Variants in PAK2 observed in about 807,000 individuals in gnomAD.
PAK2 encodes the protein serine/threonine-protein kinase PAK 2.
In PAK2, 21 loss-of-function variants were observed where a neutral mutation model predicts 65.9. The ratio of observed to expected loss-of-function variants is 0.32; its 90% CI spans 0.23 to 0.46. The LOEUF (loss-of-function observed/expected upper bound fraction) is 0.46. Ranked by LOEUF, PAK2 falls within the 20% of genes least tolerant of loss-of-function variation. The pLI is 1.00. For synonymous variants in PAK2, 204 were observed against 219.7 expected (o/e 0.93, Z 0.63); for missense variants, 324 against 642.6 (o/e 0.50, Z 5.36).
intron 2 of PAK2, among the ~76,000 whole-genome samples, chr3:196,798,899 C>T: frequency 6.6e-6 from 1 of 152,108 alleles, no homozygotes; most frequent in Non-Finnish European, 1.5e-5. Flanking sequence ...CCTTTAGCCT[C>T]ATAAAGGACA....
At chr3:196,793,260 A>G (rs954338456) in intron 2 of PAK2, among the ~76,000 whole-genome samples, 21 of 152,178 alleles carry the variant, frequency 1.4e-4, no homozygotes, top group African/African-American at 5.1e-4. Context: ...TTATCAGGGG[A>G]GTCAGGAAAA....
At chr3:196,811,542 A>G (rs1005236052) in intron 8 of PAK2, among the ~76,000 whole-genome samples, 32 of 150,372 alleles carry the variant, frequency 2.1e-4, no homozygotes, top group African/African-American at 7.1e-4. Context: ...CCACTGCACC[A>G]GGCCTGAATT....
At chr3:196,796,888 T>C (rs1384389438) in intron 2 of PAK2, among the ~76,000 whole-genome samples, 1 of 152,160 alleles carries the variant, frequency 6.6e-6, no homozygotes. Flanking sequence ...TAAGATGATA[T>C]AATAGAACTA....
chr3:196,760,763 G>T (rs1219310069), intron 1 of PAK2, among the ~76,000 whole-genome samples: 1 of 152,190 alleles, frequency 6.6e-6, no homozygotes, highest in East Asian at 1.9e-4. Context: ...GTGTTTACTT[G>T]TTTATAACGG....
chr3:196,776,409 T>C (rs932375016), intron 1 of PAK2, among the ~76,000 whole-genome samples: 4 of 152,226 alleles, frequency 2.6e-5, no homozygotes, highest in African/African-American at 9.6e-5. Flanking sequence ...CTCTGTTTCA[T>C]GCAACACCTT....
Position 196,791,367 on chromosome 3 carries a change from C to T in PAK2, c.187+8534C>T, listed in dbSNP as rs900720348. ...GGATTTTATGTTTATTTTGAATGATCTAATGTGGCTCTATCTCAAGTTCTG... is the reference window on the plus strand; with the variant it reads ...GGATTTTATGTTTATTTTGAATGATTTAATGTGGCTCTATCTCAAGTTCTG... On this transcript the variant is annotated intron_variant, in intron 2 of 14. Transcript: ENST00000327134. This position sits in a 1 kb window ranked among gnomAD's most constrained non-coding sequence, Gnocchi z 4.0. Among the ~76,000 whole-genome samples the T allele has an allele frequency of 2.6e-5, 4 of 152,184 alleles. No homozygotes were observed. Among genetic ancestry groups the T allele is most frequent in the Middle Eastern group, 6.8e-3 (2 of 294 alleles).
chr3:196,780,349 C>A (rs1034102253), intron 1 of PAK2, among the ~76,000 whole-genome samples: 17 of 152,238 alleles, frequency 1.1e-4, no homozygotes, highest in Admixed American at 4.6e-4. Context: ...ATTGGACTTA[C>A]ATTTCCATGT....
At chr3:196,766,211 AT>A (rs1560096043) in intron 1 of PAK2, among the ~76,000 whole-genome samples, 1 of 151,952 alleles carries the variant, frequency 6.6e-6, no homozygotes, top group African/African-American at 2.4e-5. Context: ...TTAAATTTTT[AT>A]TTTTATATTT....
chr3:196,747,724 T>A (rs1713437033), intron 1 of PAK2, among the ~76,000 whole-genome samples: 1 of 152,178 alleles, frequency 6.6e-6, no homozygotes, highest in Non-Finnish European at 1.5e-5. Flanking sequence ...CCAGTTTTTA[T>A]AAATAGTTCT....
chr3:196,790,094 T>C (rs1485856693), intron 2 of PAK2, among the ~76,000 whole-genome samples: 1 of 152,206 alleles, frequency 6.6e-6, no homozygotes, highest in African/African-American at 2.4e-5. Context: ...GTCATGGAAT[T>C]TGAAGCTATT....
At chr3:196,751,891 T>TGAGA (rs1713615809) in intron 1 of PAK2, among the ~76,000 whole-genome samples, 1 of 150,664 alleles carries the variant, frequency 6.6e-6, no homozygotes. Context: ...TACAGGCGCA[T>TGAGA]GCCACCACTC....
intron 7 of PAK2, among the ~76,000 whole-genome samples, chr3:196,808,557 C>CAAAAAAAAAAAAAAAAAAAAAAAA (rs1208200034): frequency 1.8e-4 from 10 of 56,570 alleles, no homozygotes; most frequent in African/African-American, 6.7e-4. Flanking sequence ...GACTCCATCT[C>CAAAAAAAAAAAAAAAAAAAAAAAA]AAAAAAAAAA....
chr3:196,784,504 A>G (rs1714821525), intron 2 of PAK2, among the ~76,000 whole-genome samples: 2 of 112,838 alleles, frequency 1.8e-5, no homozygotes, highest in Admixed American at 2.0e-4. Context: ...GCGATAGTTT[A>G]CTGAGAATGA....
intron 2 of PAK2, among the ~76,000 whole-genome samples, chr3:196,792,749 A>G (rs1483518015): frequency 6.6e-6 from 1 of 152,154 alleles, no homozygotes; most frequent in Non-Finnish European, 1.5e-5. Flanking sequence ...TTGACCACAT[A>G]CAGAAGCATT....
chr3:196,749,787 A>AT (rs1383110171), intron 1 of PAK2, among the ~76,000 whole-genome samples: 1 of 150,612 alleles, frequency 6.6e-6, no homozygotes, highest in African/African-American at 2.4e-5. Flanking sequence ...ATTGTTTTGG[A>AT]TTTTACCCAT....
chr3:196,793,035 C>T (rs115400721), intron 2 of PAK2, among the ~76,000 whole-genome samples: 2,009 of 152,252 alleles, frequency 0.013, 34 homozygotes, highest in Non-Finnish European at 0.022. Context: ...AGGCACACGA[C>T]ACTGTGTCGG....
intron 1 of PAK2, among the ~76,000 whole-genome samples, chr3:196,752,261 A>T (rs1054055806): frequency 6.6e-6 from 1 of 152,006 alleles, no homozygotes; most frequent in East Asian, 1.9e-4. Flanking sequence ...TCACCTATCA[A>T]TGTTTTCTTT....
At chr3:196,824,665 C>T (rs1048290691) in intron 13 of PAK2, among the ~76,000 whole-genome samples, 2 of 151,956 alleles carry the variant, frequency 1.3e-5, no homozygotes, top group African/African-American at 2.4e-5. Flanking sequence ...ATGGCGGACA[C>T]TGGAGAGCAT....
intron 13 of PAK2, among the ~76,000 whole-genome samples, chr3:196,826,180 G>A (rs1207921788): frequency 6.7e-6 from 1 of 148,836 alleles, no homozygotes; most frequent in Non-Finnish European, 1.5e-5. Flanking sequence ...TTGTTTGTTT[G>A]TTTATTTTTG....
Sources: gnomAD v4.1 joint callset for allele counts (sites outside exome capture counted in the v4.1 genomes callset) on GRCh38, gnomAD v4.1.1 for gene constraint, Gnocchi (gnomAD v3.1) non-coding constraint, MANE v1.5 for transcripts, NCBI Gene and HGNC (gene_info 2026-07-23, HGNC 2026-07-21) for gene names.